The following DTNA variants were observed in gnomAD, a reference collection of about 807,000 sequenced individuals.
DTNA encodes dystrobrevin alpha.
A neutral mutation model predicts 100.7 loss-of-function variants in DTNA; 43 were observed. The observed-to-expected ratio is 0.43, with a 90% CI of 0.33 to 0.55. The LOEUF (loss-of-function observed/expected upper bound fraction) is 0.55. DTNA is among the 20% of genes least tolerant of loss of function. The pLI is 0.04. For synonymous variants in DTNA, 349 were observed against 347.9 expected (o/e 1.00, Z -0.04); for missense variants, 798 against 953.9 (o/e 0.84, Z 2.15).
chr18:34,794,533 G>T (rs1337458008), intron 4 of DTNA, among the ~76,000 whole-genome samples: 1 of 152,142 alleles, frequency 6.6e-6, no homozygotes, highest in African/African-American at 2.4e-5. Context: ...GGAAGCTGTG[G>T]ATGCTTGAGA....
chr18:34,683,641 A>G (rs1290574896), intron 1 of DTNA: 1 of 152,210 alleles, frequency 6.6e-6, no homozygotes, highest in Non-Finnish European at 1.5e-5. Context: ...CGCAAATGCC[A>G]TCATGAACAG....
chr18:34,684,287 A>G (rs971554440), intron 1 of DTNA, among the ~76,000 whole-genome samples: 2 of 151,068 alleles, frequency 1.3e-5, no homozygotes, highest in Non-Finnish European at 2.9e-5. Flanking sequence ...TCCTAATGCT[A>G]TCCCTCCCCT....
At chr18:34,601,458 C>T (rs978617305) in intron 1 of DTNA, among the ~76,000 whole-genome samples, 6 of 152,096 alleles carry the variant, frequency 3.9e-5, no homozygotes, top group Non-Finnish European at 5.9e-5. Context: ...GTGTCTGAGC[C>T]CAGCGTCTGG....
chr18:34,583,581 AT>A (rs955173556), intron 1 of DTNA, among the ~76,000 whole-genome samples: 34 of 149,464 alleles, frequency 2.3e-4, no homozygotes, highest in African/African-American at 8.6e-4. Context: ...GCAGAGAGCT[AT>A]TGACTTTTTT....
intron 1 of DTNA, among the ~76,000 whole-genome samples, chr18:34,674,104 TTTAAA>T (rs2077109602): frequency 6.6e-6 from 1 of 152,172 alleles, no homozygotes; most frequent in Non-Finnish European, 1.5e-5. Flanking sequence ...AGTCCAAAGA[TTTAAA>T]AACTTCACAG....
chr18:34,660,216 A>G (rs540236916), intron 1 of DTNA, among the ~76,000 whole-genome samples: 5 of 152,062 alleles, frequency 3.3e-5, no homozygotes, highest in East Asian at 1.9e-4. Flanking sequence ...CCCCCCAACC[A>G]TCGGAATGGA....
At position 34,692,333 on chromosome 18, in the gene DTNA, T is replaced by C. The variant is rs942414807; in HGVS notation, c.-1-63643T>C. ...CAAAGCAGACGTTCCATGAACATTATCTTATTTAATCTTCATAATAACCCC... is the reference window on the plus strand; with the variant it reads ...CAAAGCAGACGTTCCATGAACATTACCTTATTTAATCTTCATAATAACCCC... On this transcript the variant is annotated intron_variant, in intron 1 of 19. Transcript: ENST00000283365. Among the ~76,000 whole-genome samples, 6 of 152,342 alleles carry C rather than the reference T, an allele frequency of 3.9e-5. No homozygotes were observed. The East Asian group carries it at 1.2e-3, about 29-fold the overall frequency.
At chr18:34,696,696 TGAA>T (rs1334752052) in intron 1 of DTNA, among the ~76,000 whole-genome samples, 1 of 152,208 alleles carries the variant, frequency 6.6e-6, no homozygotes. Context: ...GTGGGAAATT[TGAA>T]GAAGTACAGC....
At chr18:34,766,457 C>G (rs920068958) in intron 3 of DTNA, among the ~76,000 whole-genome samples, 2 of 144,212 alleles carry the variant, frequency 1.4e-5, no homozygotes, top group Non-Finnish European at 3.0e-5. Flanking sequence ...CATGTTCTCA[C>G]TCATAGGTGG....
intron 1 of DTNA, among the ~76,000 whole-genome samples, chr18:34,551,137 G>C (rs1024823040): frequency 6.6e-6 from 1 of 152,084 alleles, no homozygotes; most frequent in African/African-American, 2.4e-5. Context: ...CTCTCCTGAT[G>C]GATCTGTCTT....
At chr18:34,673,719 C>T (rs1194843920) in intron 1 of DTNA, among the ~76,000 whole-genome samples, 3 of 152,144 alleles carry the variant, frequency 2.0e-5, no homozygotes, top group African/African-American at 7.2e-5. Flanking sequence ...ATTCTACATT[C>T]ATTGCTGAAG....
intron 16 of DTNA, 83 bp downstream of exon 16, chr18:34,858,481 C>T (rs1444645706): frequency 7.4e-7 from 1 of 1,355,278 alleles, no homozygotes; most frequent in African/African-American, 1.4e-5. Flanking sequence ...AGCCAGAAAA[C>T]AGTCCTCAGC....
chr18:34,863,259 C>T (rs1305888666), intron 16 of DTNA, among the ~76,000 whole-genome samples: 2 of 152,100 alleles, frequency 1.3e-5, no homozygotes, highest in African/African-American at 4.8e-5. Context: ...CATAAATGAT[C>T]GAGTATAGAT....
chr18:34,594,617 T>C (rs1196480419), intron 1 of DTNA, among the ~76,000 whole-genome samples: 2 of 152,244 alleles, frequency 1.3e-5, no homozygotes, highest in Admixed American at 6.5e-5. Context: ...GAAGGGCTTC[T>C]TATGGATTTT....
intron 1 of DTNA, among the ~76,000 whole-genome samples, chr18:34,561,289 C>T (rs757820222): frequency 5.9e-5 from 9 of 151,978 alleles, no homozygotes; most frequent in Non-Finnish European, 7.4e-5. Flanking sequence ...AAAGAAGGAT[C>T]GAGATGAAAT....
intron 1 of DTNA, among the ~76,000 whole-genome samples, chr18:34,614,160 T>G (rs1406696626): frequency 1.3e-5 from 2 of 152,220 alleles, no homozygotes; most frequent in Non-Finnish European, 2.9e-5. Context: ...TGCATCTGTT[T>G]ATAGCATGGT....
At chr18:34,870,912 C>G (rs2096758892) in intron 17 of DTNA, among the ~76,000 whole-genome samples, 1 of 152,152 alleles carries the variant, frequency 6.6e-6, no homozygotes, top group Admixed American at 6.5e-5. Context: ...TCTCATGTAC[C>G]CCCACAACAC....
intron 4 of DTNA, among the ~76,000 whole-genome samples, chr18:34,799,654 C>A (rs1412591067): frequency 1.3e-5 from 2 of 152,186 alleles, no homozygotes; most frequent in Non-Finnish European, 2.9e-5. Context: ...CCTCTACTAA[C>A]TAAAATCTTG....
At chr18:34,518,538 A>T (rs950129022) in intron 1 of DTNA, among the ~76,000 whole-genome samples, 1 of 151,504 alleles carries the variant, frequency 6.6e-6, no homozygotes, top group African/African-American at 2.4e-5. Context: ...TTTTTTTCCT[A>T]AAAGTTTCAT....
Sources: gnomAD v4.1 joint callset for allele counts (sites outside exome capture counted in the v4.1 genomes callset) on GRCh38, gnomAD v4.1.1 for gene constraint, MANE v1.5 for transcripts, NCBI Gene and HGNC (gene_info 2026-07-23, HGNC 2026-07-21) for gene names.